ZSWIM6: variants seen among roughly 807,000 people sequenced by gnomAD.
The protein encoded by ZSWIM6 is zinc finger SWIM-type containing 6.
ZSWIM6 carries 9 observed loss-of-function variants against 113.2 expected under a neutral mutation model. That is an observed-to-expected ratio of 0.08 (90% CI 0.05 to 0.14). The LOEUF (loss-of-function observed/expected upper bound fraction) is 0.14, where lower values mean the gene tolerates loss of function less well. ZSWIM6 is among the 10% of genes least tolerant of loss of function. ZSWIM6 has a pLI of 1.00. For synonymous variants in ZSWIM6, 611 were observed against 606.5 expected, an observed-to-expected ratio of 1.01 and a Z score of -0.11; for missense variants, 1,162 against 1,552.2, an observed-to-expected ratio of 0.75 and a Z score of 4.22.
At position 61,544,209 on chromosome 5, in the gene ZSWIM6, A is replaced by G; in HGVS notation, c.3540A>G (p.Leu1180=). 6.4e-7 allele frequency: 1 copy of G among 1,551,602 alleles called. No homozygotes were observed. The highest frequency in any genetic ancestry group is 8.7e-7 in the Non-Finnish European group (1 of 1,146,966). ...EFLSKARETF[L]MAHDGHIQFT... is the part of the protein sequence containing the mutation. The stretch of plus-strand genomic sequence containing the variant: ...TCAGCAAAGCCCGAGAGACCTTCTT[A>G]ATGGCGCATGATGGACACATTCAGT... The change falls in exon 14 of 14, where the codon TTA becomes TTG. Residue 1180 remains leucine (L), a synonymous_variant. Transcript: ENST00000252744.
intron 3 of ZSWIM6, among the ~76,000 whole-genome samples, chr5:61,491,642 C>T (rs906449779): frequency 6.6e-6 from 1 of 151,980 alleles, no homozygotes; most frequent in African/African-American, 2.4e-5. Context: ...ACCATACACA[C>T]ATTTGTAAAT....
intron 1 of ZSWIM6, among the ~76,000 whole-genome samples, chr5:61,440,360 T>TA (rs11356012): frequency 0.24 from 27,000 of 112,796 alleles, 3,813 homozygotes; most frequent in African/African-American, 0.42. Flanking sequence ...TTCATTGGTG[T>TA]AAAAAAAAAA....
Position 61,332,267 on chromosome 5 carries a change from G to T in ZSWIM6, c.-6G>T. On this transcript the variant is annotated 5_prime_UTR_variant, in exon 1 of 14. Transcript: ENST00000252744. ...CTTCCGCTGTCGGGTTAGAAGCGGC[G>T]CGGTCATGGCGGAGCGCGGACAGCA... is the stretch of plus-strand genomic sequence containing the variant. The T allele has an allele frequency of 8.6e-7, 1 of 1,166,400 alleles. No individual in the cohort carries two copies. The highest frequency in any genetic ancestry group is 1.1e-6 in the Non-Finnish European group (1 of 943,940). 72.3% of individuals were successfully genotyped at this position (1,166,400 alleles called of 1,614,324 possible). A position where few individuals can be genotyped will look rare whatever the true frequency, so the allele number is the denominator to read the frequency against.
chr5:61,375,627 G>T (rs1745357545), intron 1 of ZSWIM6: 7 of 1,538,046 alleles, frequency 4.6e-6, no homozygotes, highest in African/African-American at 2.8e-5. Flanking sequence ...AGAAAGAAAA[G>T]GATATTAAAG....
chr5:61,539,684 A>G lies in ZSWIM6; in HGVS notation c.2628A>G (p.Ala876=). 8.4e-6 allele frequency: 13 copies of G among 1,551,938 alleles called. No individual in the cohort carries two copies. The highest frequency in any genetic ancestry group is 1.1e-5 in the Non-Finnish European group (13 of 1,147,034). ...ACATCTTCAAGCTTGCCCAAGATGC[A>G]TTTAAAATAGCAACTCTCATGGACA... is the stretch of plus-strand genomic sequence containing the variant. ...SSHIFKLAQD[A]FKIATLMDSL... Residue 876 remains alanine (A), a synonymous_variant, in exon 12 of 14, where the codon GCA becomes GCG. Coordinates refer to ENST00000252744, the MANE Select transcript of ZSWIM6 (RefSeq NM_020928.2).
At chr5:61,444,194 A>G (rs574543517) in intron 1 of ZSWIM6, among the ~76,000 whole-genome samples, 14 of 145,958 alleles carry the variant, frequency 9.6e-5, no homozygotes, top group African/African-American at 3.3e-4. Context: ...GAGAACATGC[A>G]GTGTTTGGTT....
chr5:61,543,734 C>T lies in ZSWIM6; in HGVS notation c.3065C>T (p.Thr1022Met), dbSNP rs760505023. ...TAYQIVLDAATTGMSYTQLFT... is the reference protein window; with the variant it reads ...TAYQIVLDAAMTGMSYTQLFT... ...TACCAAATTGTTCTCGACGCTGCTA[C>T]GACTGGCATGAGCTATACACAGCTC... Residue 1022 changes from threonine (T) to methionine (M), a missense_variant, in exon 14 of 14, where the codon ACG (threonine) becomes ATG (methionine). Transcript: ENST00000252744. This position sits in a 1 kb window ranked among gnomAD's most constrained non-coding sequence, Gnocchi z 4.3. The T allele has an allele frequency of 3.7e-5, 57 of 1,551,620 alleles. No homozygotes were observed. The highest frequency in any genetic ancestry group is 3.0e-4 in the African/African-American group (22 of 73,056).
At chr5:61,514,388 C>T (rs1017776854) in intron 4 of ZSWIM6, among the ~76,000 whole-genome samples, 2 of 151,738 alleles carry the variant, frequency 1.3e-5, no homozygotes, top group Non-Finnish European at 2.9e-5. Flanking sequence ...CTTTATTGGC[C>T]TGTCTAGAAT....
intron 1 of ZSWIM6, among the ~76,000 whole-genome samples, chr5:61,333,444 T>C (rs1450862451): frequency 1.3e-5 from 2 of 151,614 alleles, no homozygotes; most frequent in African/African-American, 4.8e-5. Flanking sequence ...TCCTTTTTCT[T>C]TCTGGCCCCC....
chr5:61,371,369 C>A (rs1561211212), intron 1 of ZSWIM6, among the ~76,000 whole-genome samples: 1 of 152,132 alleles, frequency 6.6e-6, no homozygotes. Flanking sequence ...ATAAAATTGG[C>A]ACTGCATTTA....
chr5:61,400,091 C>T (rs972473164), intron 1 of ZSWIM6, among the ~76,000 whole-genome samples: 1 of 152,132 alleles, frequency 6.6e-6, no homozygotes, highest in East Asian at 1.9e-4. Flanking sequence ...TGTCTGTGTT[C>T]AGCCTTTGCT....
intron 1 of ZSWIM6, among the ~76,000 whole-genome samples, chr5:61,414,034 A>G (rs1746196006): frequency 6.6e-6 from 1 of 152,116 alleles, no homozygotes; most frequent in Non-Finnish European, 1.5e-5. Flanking sequence ...GAGTGATACC[A>G]GATGGGGTAG....
intron 1 of ZSWIM6, among the ~76,000 whole-genome samples, chr5:61,432,162 AT>A (rs1283785430): frequency 6.6e-6 from 1 of 152,226 alleles, no homozygotes; most frequent in Non-Finnish European, 1.5e-5. Flanking sequence ...GCTGTTTTTC[AT>A]AGAGAATTTC....
intron 1 of ZSWIM6, among the ~76,000 whole-genome samples, chr5:61,436,074 G>A (rs543354557): frequency 1.3e-5 from 2 of 151,964 alleles, no homozygotes; most frequent in Admixed American, 6.6e-5. Flanking sequence ...GGTGGTGCAT[G>A]CCTGTAATCC....
chr5:61,448,419 C>T (rs903845225), intron 1 of ZSWIM6, among the ~76,000 whole-genome samples: 2 of 152,122 alleles, frequency 1.3e-5, no homozygotes, highest in African/African-American at 4.8e-5. Context: ...TGAACATAGG[C>T]CTATATTAAA....
intron 1 of ZSWIM6, among the ~76,000 whole-genome samples, chr5:61,381,219 C>G (rs1407535922): frequency 1.3e-5 from 2 of 151,970 alleles, no homozygotes; most frequent in Non-Finnish European, 2.9e-5. Flanking sequence ...TGCCACTGCA[C>G]TCCAGCCTGG....
In ZSWIM6 at chr5:61,531,496, C is replaced by T; in HGVS notation, c.2016C>T (p.Tyr672=). The stretch of plus-strand genomic sequence containing the variant: ...TGGGACAGTGCAAGTCTCTGGAATA[C>T]CAGCATCTACCTGCACACAAATTCT... The part of the protein sequence containing the change: ...ENMGQCKSLE[Y]QHLPAHKFLE... The change falls in exon 9 of 14, where the codon TAC becomes TAT. Residue 672 remains tyrosine (Y), a synonymous_variant. Coordinates refer to ENST00000252744, the MANE Select transcript of ZSWIM6 (RefSeq NM_020928.2). The T allele has an allele frequency of 6.4e-7, 1 of 1,551,554 alleles. No homozygotes were observed. The highest frequency in any genetic ancestry group is 8.7e-7 in the Non-Finnish European group (1 of 1,146,884).
intron 1 of ZSWIM6, among the ~76,000 whole-genome samples, chr5:61,363,033 G>C (rs934710197): frequency 1.3e-5 from 2 of 152,152 alleles, no homozygotes; most frequent in African/African-American, 2.4e-5. Context: ...TGACCTCTTA[G>C]TGGTTCAGGA....
At chr5:61,359,308 G>A (rs1447491542) in intron 1 of ZSWIM6, among the ~76,000 whole-genome samples, 1 of 152,076 alleles carries the variant, frequency 6.6e-6, no homozygotes, top group Non-Finnish European at 1.5e-5. Context: ...AAGAAAGAAG[G>A]CAGGGGTTCA....
Sources: gnomAD v4.1 joint callset for allele counts (sites outside exome capture counted in the v4.1 genomes callset) on GRCh38, gnomAD v4.1.1 for gene constraint, Gnocchi (gnomAD v3.1) non-coding constraint, MANE v1.5 for transcripts, NCBI Gene and HGNC (gene_info 2026-07-23, HGNC 2026-07-21) for gene names.